Variants in GFRA2 observed in about 807,000 individuals in gnomAD.
GFRA2 encodes GDNF family receptor alpha-2.
GFRA2 carries 17 observed loss-of-function variants against 48.3 expected under a neutral mutation model. That is an observed-to-expected ratio of 0.35 (90% confidence interval 0.24 to 0.53). GFRA2 has a LOEUF of 0.53. Among genes scored for constraint, GFRA2 ranks in the 20% least tolerant of loss-of-function variants. The probability of loss-of-function intolerance (pLI) is 0.93; values close to 1 mark genes in which losing one functional copy is unlikely to be tolerated. For missense variants in GFRA2, 660 were observed against 637.3 expected (o/e 1.04, Z -0.38); for synonymous variants, 305 against 257.2 (o/e 1.19, Z -1.78).
intron 8 of GFRA2, among the ~76,000 whole-genome samples, chr8:21,693,886 CT>C (rs944878059): frequency 1.8e-5 from 1 of 56,822 alleles, no homozygotes; most frequent in South Asian, 5.6e-4. Flanking sequence ...CCATGAAGCC[CT>C]CCCTGAACAT....
At chr8:21,812,146 G>C (rs1807992976) in intron 1 of GFRA2, 1 of 152,284 alleles carries the variant, frequency 6.6e-6, no homozygotes, top group African/African-American at 2.4e-5. Context: ...GTAGATCCCA[G>C]CTGAACAAAG....
chr8:21,728,707 C>T (rs1176425479), intron 4 of GFRA2, among the ~76,000 whole-genome samples: 1 of 152,192 alleles, frequency 6.6e-6, no homozygotes, highest in Non-Finnish European at 1.5e-5. Context: ...TCTGCTCGAC[C>T]TTATCATAAG....
intron 2 of GFRA2, among the ~76,000 whole-genome samples, chr8:21,779,185 G>A (rs1372561008): frequency 1.3e-5 from 2 of 152,196 alleles, no homozygotes; most frequent in African/African-American, 2.4e-5. Flanking sequence ...AGGCAACAGA[G>A]TGAGACCCTG....
Position 21,707,960 on chromosome 8 carries a change from T to C in GFRA2, c.795-1919A>G, listed in dbSNP as rs1195758105. Reference sequence around the variant, plus strand: ...GAGATCTGACAAGCAGTTATTATTATCCCATTTTATAGATGAAGAAGCTGA... The same window carrying C: ...GAGATCTGACAAGCAGTTATTATTACCCCATTTTATAGATGAAGAAGCTGA... On this transcript the variant is annotated intron_variant, in intron 4 of 8. Transcript: ENST00000524240. Among the ~76,000 whole-genome samples the C allele has an allele frequency of 2.0e-5, 3 of 152,220 alleles. No individual in the cohort carries two copies. The East Asian group carries it at 5.8e-4, about 29-fold the overall frequency.
In GFRA2 at chr8:21,782,709, C is replaced by G; in HGVS notation, c.231G>C (p.Glu77Asp). 6.3e-7 allele frequency: 1 copy of G among 1,596,118 alleles called. No individual in the cohort carries two copies. The highest frequency in any genetic ancestry group is 1.1e-5 in the South Asian group (1 of 87,966). ...RDRNTMLANK[E>D]CQAALEVLQE... ...GCAAGACCTCCAAGGCCGCCTGGCA[C>G]TCCTTGTTGGCCAGCATGGTGTTGC... is the stretch of plus-strand genomic sequence containing the variant. The change falls in exon 2 of 9, where the codon GAG (glutamate) becomes GAC (aspartate). Residue 77 changes from glutamate (E) to aspartate (D), a missense_variant. Physicochemically the swap from Glu to Asp is conservative, Grantham distance 45 (BLOSUM62 2). Coordinates refer to ENST00000524240, the MANE Select transcript of GFRA2 (RefSeq NM_001495.5).
chr8:21,749,430 G>C (rs1051525637), intron 4 of GFRA2, among the ~76,000 whole-genome samples: 4 of 151,682 alleles, frequency 2.6e-5, no homozygotes, highest in African/African-American at 9.7e-5. Context: ...TTGTAAACTT[G>C]CTCCAGGTTA....
At chr8:21,776,973 A>G (rs1201064988) in intron 2 of GFRA2, among the ~76,000 whole-genome samples, 2 of 152,184 alleles carry the variant, frequency 1.3e-5, no homozygotes, top group Admixed American at 6.5e-5. Flanking sequence ...TCACTTTTAC[A>G]ATAAAAATAA....
chr8:21,731,676 A>T (rs764848489), intron 4 of GFRA2, among the ~76,000 whole-genome samples: 1 of 151,996 alleles, frequency 6.6e-6, no homozygotes, highest in Non-Finnish European at 1.5e-5. Context: ...CATAATTCCA[A>T]CGCGTTCAAT....
At chr8:21,711,654 A>C (rs1281129351) in intron 4 of GFRA2, among the ~76,000 whole-genome samples, 1 of 152,060 alleles carries the variant, frequency 6.6e-6, no homozygotes, top group African/African-American at 2.4e-5. Context: ...TGTCCCACAT[A>C]ATATCTGGGA....
At chr8:21,787,106 C>G (rs1355235641) in intron 1 of GFRA2, among the ~76,000 whole-genome samples, 1 of 152,166 alleles carries the variant, frequency 6.6e-6, no homozygotes, top group African/African-American at 2.4e-5. Flanking sequence ...TGCAAACAAC[C>G]GCCTTTCCTC....
intron 1 of GFRA2, among the ~76,000 whole-genome samples, chr8:21,811,028 C>T (rs1447007559): frequency 1.3e-5 from 2 of 152,212 alleles, no homozygotes; most frequent in Admixed American, 6.5e-5. Flanking sequence ...TCCAGAAAAC[C>T]GATTTTTAAA....
At chr8:21,804,522 C>G (rs1334379432) in intron 2 of GFRA2, among the ~76,000 whole-genome samples, 1 of 151,630 alleles carries the variant, frequency 6.6e-6, no homozygotes, top group African/African-American at 2.4e-5. Flanking sequence ...GGGTGGGGAA[C>G]AAAATAGGAC....
rs575423451 is a variant in GFRA2, at chr8:21,711,498, G to T, written c.795-5457C>A. On this transcript the variant is annotated intron_variant, in intron 4 of 8. Coordinates refer to ENST00000524240, the MANE Select transcript of GFRA2 (RefSeq NM_001495.5). Reference sequence around the variant, plus strand: ...CGTGTTTCCTTGGCAGCTGTAGCCTGTTCAGTTGCAGGAAAGCAGCAGCAG... The same window carrying T: ...CGTGTTTCCTTGGCAGCTGTAGCCTTTTCAGTTGCAGGAAAGCAGCAGCAG... Among the ~76,000 whole-genome samples the T allele has an allele frequency of 9.0e-4, 137 of 152,278 alleles. 1 individual carries two copies. In the Middle Eastern group the frequency reaches 0.02, roughly 23 times the overall value.
At chr8:21,802,688 A>G (rs1290721872) in intron 2 of GFRA2, among the ~76,000 whole-genome samples, 7 of 152,258 alleles carry the variant, frequency 4.6e-5, no homozygotes, top group African/African-American at 9.6e-5. Context: ...CAAAAAGCAT[A>G]CAGCCTAGTA....
intron 3 of GFRA2, among the ~76,000 whole-genome samples, chr8:21,754,487 A>C (rs1352102716): frequency 1.3e-5 from 2 of 151,588 alleles, no homozygotes; most frequent in Non-Finnish European, 2.9e-5. Flanking sequence ...TGTCTGACCA[A>C]CAATGGTCTT....
chr8:21,810,767 C>A (rs1320450158), intron 1 of GFRA2, among the ~76,000 whole-genome samples: 2 of 152,120 alleles, frequency 1.3e-5, no homozygotes, highest in South Asian at 2.1e-4. Flanking sequence ...GGAATGGGGC[C>A]CCTGGAATGA....
At chr8:21,698,164 T>C (rs1304918347) in intron 7 of GFRA2, among the ~76,000 whole-genome samples, 1 of 152,156 alleles carries the variant, frequency 6.6e-6, no homozygotes, top group African/African-American at 2.4e-5. Context: ...CACACAGGCC[T>C]AGGCTGCAAG....
At chr8:21,697,035 G>A (rs1290232194) in intron 7 of GFRA2, among the ~76,000 whole-genome samples, 1 of 138,994 alleles carries the variant, frequency 7.2e-6, no homozygotes, top group East Asian at 2.3e-4. Context: ...GGACAGAGGA[G>A]AGGGGAGGAG....
At chr8:21,718,267 G>C (rs1250473634) in intron 4 of GFRA2, among the ~76,000 whole-genome samples, 1 of 152,166 alleles carries the variant, frequency 6.6e-6, no homozygotes, top group Non-Finnish European at 1.5e-5. Flanking sequence ...TTCACAAACT[G>C]TCTCTCTTTG....
Sources: gnomAD v4.1 joint callset for allele counts (sites outside exome capture counted in the v4.1 genomes callset) on GRCh38, gnomAD v4.1.1 for gene constraint, MANE v1.5 for transcripts, NCBI Gene and HGNC (gene_info 2026-07-23, HGNC 2026-07-21) for gene names.